The following CARHSP1 variants were observed in gnomAD, a reference collection of about 807,000 sequenced individuals.
The protein encoded by CARHSP1 is calcium-regulated heat-stable protein 1.
CARHSP1 carries 14 observed loss-of-function variants against 12.5 expected under a neutral mutation model. That is an observed-to-expected ratio of 1.12 (90% CI 0.74 to 1.75). CARHSP1 has a LOEUF of 1.75. CARHSP1 is among the 40% of genes most tolerant of loss of function. The pLI is 0.00. For synonymous variants in CARHSP1, 161 were observed against 82.0 expected, an observed-to-expected ratio of 1.96 and a Z score of -5.20; for missense variants, 343 against 201.6, an observed-to-expected ratio of 1.70 and a Z score of -4.25.
chr16:8,860,023 G>T, intron 1 of CARHSP1: 1 of 431,868 alleles, frequency 2.3e-6, no homozygotes, highest in Non-Finnish European at 3.1e-6. Context: ...CAACCACCTA[G>T]ATCCAAACTC....
At chr16:8,858,679 A>C (rs2141094743) in intron 2 of CARHSP1, 1 of 565,626 alleles carries the variant, frequency 1.8e-6, no homozygotes, top group East Asian at 3.0e-5. Context: ...GACCCTGGCC[A>C]ATTTTCTCGG....
rs1351275180 is a variant in CARHSP1 at position 8,859,207 on chromosome 16, C to G, written c.122G>C (p.Ser41Thr). The G allele has an allele frequency of 6.2e-7, 1 of 1,603,844 alleles. No homozygotes were observed. Reference protein sequence around the residue: ...PSPLRGNVVPSPLPTRRTRTF... With the variant: ...PSPLRGNVVPTPLPTRRTRTF... ...CCTCGTCCGGCGAGTGGGCAGTGGG[C>G]TTGGGACCACGTTGCCCCGCAGAGG... is the stretch of plus-strand genomic sequence containing the variant. Residue 41 changes from serine to threonine, a missense_variant, in exon 2 of 4, where the codon AGC becomes ACC. Ser to Thr is a moderately conservative substitution (Grantham distance 58). Coordinates refer to ENST00000311052, the MANE Select transcript of CARHSP1 (RefSeq NM_014316.4).
At chr16:8,858,775 A>G (rs1004346358) in intron 2 of CARHSP1, 2 of 443,176 alleles carry the variant, frequency 4.5e-6, no homozygotes, top group East Asian at 3.8e-5. Flanking sequence ...TATTAATAAC[A>G]CAAGCATCCT....
chr16:8,866,781 G>C (rs536539200), intron 1 of CARHSP1, among the ~76,000 whole-genome samples: 21 of 151,746 alleles, frequency 1.4e-4, no homozygotes, highest in African/African-American at 5.1e-4. Context: ...CAGCCAGGCC[G>C]GAGTCAGCCC....
At position 8,858,381 on chromosome 16, in the gene CARHSP1, C is replaced by G; in HGVS notation, c.250G>C (p.Gly84Arg). 1 of 1,614,050 alleles carries G rather than the reference C, an allele frequency of 6.2e-7. No homozygotes were observed. ...ATGTGCAGGAAGATGTCGGGGCCGC[C>G]ATCAGCTGGAGTAATGAAGCCATGG... ...KGHGFITPAD[G>R]GPDIFLHISD... is the part of the protein sequence containing the mutation. Residue 84 changes from glycine to arginine, a missense_variant, in exon 3 of 4, where the codon GGC becomes CGC. Gly to Arg is a moderately radical substitution (Grantham distance 125). Transcript: ENST00000311052.
chr16:8,859,204 G>T lies in CARHSP1; in HGVS notation c.125C>A (p.Pro42Gln). Residue 42 changes from proline to glutamine, a missense_variant, in exon 2 of 4, where the codon CCA becomes CAA. Transcript: ENST00000311052. ...GGTCCTCGTCCGGCGAGTGGGCAGT[G>T]GGCTTGGGACCACGTTGCCCCGCAG... ...SPLRGNVVPS[P>Q]LPTRRTRTFS... 1 of 1,604,130 alleles carries T rather than the reference G, an allele frequency of 6.2e-7. No individual in the cohort carries two copies. The highest frequency in any genetic ancestry group is 8.5e-7 in the Non-Finnish European group (1 of 1,176,332).
intron 1 of CARHSP1, chr16:8,860,045 G>C (rs532859284): frequency 5.5e-5 from 38 of 690,872 alleles, no homozygotes; most frequent in Non-Finnish European, 6.4e-5. Flanking sequence ...GCCACTCCAC[G>C]GACCCTCCCT....
intron 2 of CARHSP1, 99 bp downstream of exon 2, chr16:8,859,072 C>G (rs1203985153): frequency 6.5e-6 from 8 of 1,223,088 alleles, no homozygotes; most frequent in African/African-American, 3.0e-5. Flanking sequence ...ATTTGGCAGT[C>G]CGGGACATAG....
rs1314390861 is a variant in CARHSP1 at position 8,860,221 on chromosome 16, G to C, written c.-7-886C>G. Reference sequence around the variant, plus strand: ...TGCACCCAGGACTGGGGGGCCTGCTGCGAGAGCCCAAAGGGAAAGGGAGAA... The same window carrying C: ...TGCACCCAGGACTGGGGGGCCTGCTCCGAGAGCCCAAAGGGAAAGGGAGAA... On this transcript the variant is annotated intron_variant, in intron 1 of 3. Coordinates refer to ENST00000311052, the MANE Select transcript of CARHSP1 (RefSeq NM_014316.4). The C allele has an allele frequency of 8.1e-6, 8 of 985,130 alleles. No individual in the cohort carries two copies. In the African/African-American group the frequency reaches 1.2e-4, roughly 15 times the overall value. The allele number at this position is 985,130 out of a possible 1,614,324, so 61.0% of individuals were successfully genotyped here.
intron 1 of CARHSP1, chr16:8,866,590 C>T (rs1272792665): frequency 3.1e-6 from 1 of 321,674 alleles, no homozygotes. Context: ...GCGATAGAGG[C>T]CGAGAACGAG....
At position 8,853,806 on chromosome 16, in the gene CARHSP1, C is replaced by G. The variant is rs994077903; in HGVS notation, c.*1358G>C. 7 of 152,200 alleles carry G rather than the reference C, an allele frequency of 4.6e-5. No individual in the cohort carries two copies. Among genetic ancestry groups the G allele is most frequent in the African/African-American group, 1.7e-4 (7 of 41,430 alleles). 9.4% of individuals were successfully genotyped at this position (152,200 alleles called of 1,614,324 possible). Reference sequence around the variant, plus strand: ...AAATACCTACAAAAAAGTTTGCAGGCCGGGCGCGATGGCTCACACTTGTAA... The same window carrying G: ...AAATACCTACAAAAAAGTTTGCAGGGCGGGCGCGATGGCTCACACTTGTAA... On this transcript the variant is annotated 3_prime_UTR_variant, in exon 4 of 4. Coordinates refer to ENST00000311052, the MANE Select transcript of CARHSP1 (RefSeq NM_014316.4).
intron 1 of CARHSP1, chr16:8,860,051 T>A: frequency 1.3e-6 from 1 of 756,896 alleles, no homozygotes; most frequent in Non-Finnish European, 1.6e-6. Context: ...CCACGGACCC[T>A]CCCTGACGCT....
At chr16:8,861,905 C>A in intron 1 of CARHSP1, 1 of 819,334 alleles carries the variant, frequency 1.2e-6, no homozygotes, top group Non-Finnish European at 1.6e-6. Context: ...AGTGGCCTCG[C>A]AACTCCACAG....
chr16:8,862,017 T>TTTTTTTTTTTA (rs869072327), intron 1 of CARHSP1, among the ~76,000 whole-genome samples: 1 of 122,352 alleles, frequency 8.2e-6, no homozygotes, highest in Non-Finnish European at 1.7e-5. Flanking sequence ...TTTTTTTTTT[T>TTTTTTTTTTTA]AATTTGAGAT....
At position 8,859,273 on chromosome 16, in the gene CARHSP1, C is replaced by T. The variant is rs765098536; in HGVS notation, c.56G>A (p.Gly19Glu). 21 of 1,602,448 alleles carry T rather than the reference C, an allele frequency of 1.3e-5. No individual in the cohort carries two copies. The highest frequency in any genetic ancestry group is 2.8e-5 in the African/African-American group (2 of 72,342). The change falls in exon 2 of 4, where the codon GGG becomes GAG. Residue 19 changes from glycine to glutamate, a missense_variant. Transcript: ENST00000311052. ...ACGGCTCCGAGGGGTGTCCAGCAGC[C>T]CGACTGAAGCTTGATGGGTGGGGGG... ...PQPPTHQASV[G>E]LLDTPRSRER...
chr16:8,858,181 AAC>A lies in CARHSP1; in HGVS notation c.281+167_281+168del, dbSNP rs111525602. 1,263 of 779,292 alleles carry A rather than the reference AAC, an allele frequency of 1.6e-3. 4 individuals carry two copies. In the African/African-American group the frequency reaches 0.017, roughly 10 times the overall value. 48.3% of individuals were successfully genotyped at this position (779,292 alleles called of 1,614,324 possible). Reference sequence around the variant, plus strand: ...CCGTAGAGTCTCACAACCCCAACCCAACACACACACAGGAGCACAGCTGGAGC... The same window carrying A: ...CCGTAGAGTCTCACAACCCCAACCCAACACACACAGGAGCACAGCTGGAGC... On this transcript the variant is annotated intron_variant, in intron 3 of 3. Transcript: ENST00000311052.
intron 1 of CARHSP1, chr16:8,867,904 A>AT: frequency 1.3e-5 from 2 of 152,382 alleles, no homozygotes; most frequent in African/African-American, 4.8e-5. Context: ...TCGGTGGACG[A>AT]TTTTCAGCGT....
chr16:8,861,981 A>G (rs915134245), intron 1 of CARHSP1, among the ~76,000 whole-genome samples: 1 of 100,242 alleles, frequency 1.0e-5, no homozygotes. Flanking sequence ...GGAGTCAAGC[A>G]TAGCTGACTT....
At chr16:8,862,578 G>A (rs550257637) in intron 1 of CARHSP1, among the ~76,000 whole-genome samples, 1 of 152,292 alleles carries the variant, frequency 6.6e-6, no homozygotes, top group Non-Finnish European at 1.5e-5. Flanking sequence ...GGAGAAGGGT[G>A]GGAATACACA....
Sources: allele counts gnomAD v4.1 joint callset (sites outside exome capture counted in the v4.1 genomes callset), GRCh38; gene constraint gnomAD v4.1.1; transcripts MANE v1.5; gene names NCBI Gene and HGNC (gene_info 2026-07-23, HGNC 2026-07-21).